LAMA4: variants seen among roughly 807,000 people sequenced by gnomAD.
LAMA4 encodes laminin subunit alpha-4.
In LAMA4, 127 loss-of-function variants were observed where a neutral mutation model predicts 207.1. The ratio of observed to expected loss-of-function variants is 0.61; its 90% confidence interval spans 0.53 to 0.71. The LOEUF (loss-of-function observed/expected upper bound fraction) is 0.71. Ranked by LOEUF, LAMA4 falls within the 30% of genes least tolerant of loss-of-function variation. The pLI is 0.00. For synonymous variants in LAMA4, 761 were observed against 816.0 expected (o/e 0.93, Z 1.15); for missense variants, 2,093 against 2,246.5 (o/e 0.93, Z 1.38).
At position 112,118,771 on chromosome 6, in the gene LAMA4, A is replaced by AT. The variant is rs1364566069; in HGVS notation, c.4821+384dup. Among the ~76,000 whole-genome samples the AT allele has an allele frequency of 1.3e-5, 2 of 151,768 alleles. No individual in the cohort carries two copies. The highest frequency in any genetic ancestry group is 4.8e-5 in the African/African-American group (2 of 41,286). On this transcript the variant is annotated intron_variant, in intron 34 of 38. Coordinates refer to ENST00000230538, the MANE Select transcript of LAMA4 (RefSeq NM_001105206.3). The surrounding 1 kb of genome is among the most constrained non-coding windows in gnomAD (Gnocchi z 4.6). ...TAAGAAAAATGGGATTGTAGTTTGC[A>AT]TAATGACCTGAAACTTTTTTTTTCA...
At chr6:112,120,219 C>G in intron 33 of LAMA4, 64 bp downstream of exon 33, 1 of 1,278,004 alleles carries the variant, frequency 7.8e-7, no homozygotes, top group Non-Finnish European at 1.1e-6. Context: ...AATGGAGGCC[C>G]ATTAGTGTCC....
Position 112,129,055 on chromosome 6 carries a change from ACCTCCACATC to A in LAMA4, c.4144_4153del (p.Asp1382LeufsTer60). 1.2e-6 allele frequency: 2 copies of A among 1,612,534 alleles called. No homozygotes were observed. Among genetic ancestry groups the A allele is most frequent in the Non-Finnish European group, 1.7e-6 (2 of 1,178,714 alleles). ...TTCAGTATACCGTTGGAAATCTTCA[ACCTCCACATC>A]TCTATCCACCCTGTGTTTGTAACAG... On this transcript the variant is annotated frameshift_variant, in exon 31 of 39. Coordinates refer to ENST00000230538, the MANE Select transcript of LAMA4 (RefSeq NM_001105206.3). LOFTEE classifies it high-confidence loss of function.
At chr6:112,246,757 T>G (rs1786972331) in intron 2 of LAMA4, among the ~76,000 whole-genome samples, 1 of 152,172 alleles carries the variant, frequency 6.6e-6, no homozygotes, top group South Asian at 2.1e-4. Context: ...CCTGACTTTG[T>G]GATCCACCCA....
chr6:112,253,716 C>T (rs782629900), intron 2 of LAMA4: 231 of 1,598,720 alleles, frequency 1.4e-4, no homozygotes, highest in Non-Finnish European at 1.9e-4. Flanking sequence ...AGCACCAACA[C>T]ATGCACTCTC....
chr6:112,163,756 AT>A (rs1583767404), intron 13 of LAMA4, among the ~76,000 whole-genome samples: 1 of 152,164 alleles, frequency 6.6e-6, no homozygotes, highest in Admixed American at 6.5e-5. Context: ...TTTATAAAAG[AT>A]TTTTTTACAG....
intron 8 of LAMA4, 136 bp downstream of exon 8, chr6:112,187,314 A>G (rs782704985): frequency 2.0e-6 from 2 of 975,996 alleles, no homozygotes; most frequent in South Asian, 1.4e-5. Context: ...TATGTTTTCT[A>G]TGTTAGACCT....
At chr6:112,111,444 T>G (rs1777690751) in intron 38 of LAMA4, among the ~76,000 whole-genome samples, 1 of 152,222 alleles carries the variant, frequency 6.6e-6, no homozygotes, top group Middle Eastern at 3.2e-3. Context: ...CGTTAGCTTT[T>G]TATGGATAGA....
At chr6:112,138,974 T>C in intron 24 of LAMA4, 146 bp downstream of exon 24, 1 of 794,472 alleles carries the variant, frequency 1.3e-6, no homozygotes. Context: ...ATTACTTTCC[T>C]GAAGAAGAAA....
intron 28 of LAMA4, among the ~76,000 whole-genome samples, chr6:112,132,306 TA>T (rs1206457342): frequency 3.3e-5 from 5 of 152,144 alleles, no homozygotes; most frequent in Non-Finnish European, 5.9e-5. Flanking sequence ...CTAATAACAT[TA>T]GAAGTAGCAA....
intron 8 of LAMA4, among the ~76,000 whole-genome samples, chr6:112,186,180 C>G (rs1395017376): frequency 6.6e-6 from 1 of 152,212 alleles, no homozygotes; most frequent in African/African-American, 2.4e-5. Flanking sequence ...AGGTACTGTT[C>G]TAACTTCTGT....
rs369776441 is a variant in LAMA4, at chr6:112,154,853, G to C, written c.2054C>G (p.Ser685Cys). The change falls in exon 16 of 39, where the codon TCT (serine) becomes TGT (cysteine). Residue 685 changes from serine to cysteine, a missense_variant and splice_region_variant. This residue lies in a region of LAMA4 where 1,704 missense variants were observed against 1,788.4 expected (regional missense o/e 0.95). Transcript: ENST00000230538. ...GATAGGAAAGTGAAGATATTTACTA[G>C]ACTCTGCCTTTGCTTGCAGTTCTCT... ...QARELQAKAE[S>C]SSDEAVADTS... 1.3e-6 allele frequency: 2 copies of C among 1,586,546 alleles called. No individual in the cohort carries two copies. Among genetic ancestry groups the C allele is most frequent in the Non-Finnish European group, 1.7e-6 (2 of 1,155,124 alleles).
chr6:112,151,302 A>G (rs1206100029), intron 16 of LAMA4, among the ~76,000 whole-genome samples: 1 of 152,106 alleles, frequency 6.6e-6, no homozygotes, highest in Non-Finnish European at 1.5e-5. Flanking sequence ...TACTATATAG[A>G]GCTATAATAC....
rs1171944656 is a variant in LAMA4, at chr6:112,117,350, G to C, written c.4981+389C>G. 6.6e-6 allele frequency among the ~76,000 whole-genome samples: 1 copy of C among 152,166 alleles called. No individual in the cohort carries two copies. Among genetic ancestry groups the C allele is most frequent in the Admixed American group, 6.5e-5 (1 of 15,280 alleles). On this transcript the variant is annotated intron_variant, in intron 35 of 38. Transcript: ENST00000230538. The surrounding 1 kb of genome is among the most constrained non-coding windows in gnomAD (Gnocchi z 4.5). ...AAGGATAACGTTGTCTGCTGGTGTT[G>C]CAAGTCATGGGGAGAAAGTGGGACT...
At chr6:112,188,805 C>A in intron 7 of LAMA4, 1 of 322,588 alleles carries the variant, frequency 3.1e-6, no homozygotes, top group South Asian at 4.1e-5. Flanking sequence ...GGAAAAGGAG[C>A]TGAAAAGAGC....
intron 8 of LAMA4, among the ~76,000 whole-genome samples, chr6:112,185,757 C>T (rs1782648023): frequency 6.6e-6 from 1 of 152,214 alleles, no homozygotes; most frequent in Admixed American, 6.5e-5. Context: ...TAACTTTCCT[C>T]ATTTTAATGC....
intron 15 of LAMA4, 116 bp downstream of exon 15, chr6:112,155,449 C>T (rs1047079459): frequency 3.4e-6 from 4 of 1,175,984 alleles, no homozygotes; most frequent in East Asian, 2.4e-5. Flanking sequence ...AGTTCCCCTG[C>T]CTTTTCCACT....
rs782303510 is a variant in LAMA4 at position 112,139,237 on chromosome 6, G to A, written c.3165C>T (p.Ser1055=). 126 of 1,614,026 alleles carry A rather than the reference G, an allele frequency of 7.8e-5. No individual in the cohort carries two copies. Among genetic ancestry groups the A allele is most frequent in the Non-Finnish European group, 1.0e-4 (118 of 1,180,014 alleles). The stretch of plus-strand genomic sequence containing the variant: ...TGATGTCTCTCACCACGGCATAACC[G>A]GAGCCATCGAAGAAGTAACTGGCAG... ...SRAASYFFDG[S]GYAVVRDITR... The change falls in exon 24 of 39, where the codon TCC becomes TCT. Residue 1055 remains serine, a synonymous_variant. Transcript: ENST00000230538.
intron 8 of LAMA4, among the ~76,000 whole-genome samples, chr6:112,187,093 C>T (rs2114938670): frequency 6.6e-6 from 1 of 152,330 alleles, no homozygotes; most frequent in Non-Finnish European, 1.5e-5. Flanking sequence ...AAATGGTAGC[C>T]TTGCAGTACC....
intron 5 of LAMA4, among the ~76,000 whole-genome samples, chr6:112,195,976 T>C (rs893086576): frequency 2.2e-5 from 2 of 92,152 alleles, no homozygotes; most frequent in Non-Finnish European, 4.1e-5. Context: ...CTACACACAC[T>C]GCTATATATA....
Sources: allele counts gnomAD v4.1 joint callset (sites outside exome capture counted in the v4.1 genomes callset), GRCh38; gene constraint gnomAD v4.1.1; regional missense constraint gnomAD v4.1.1; non-coding constraint Gnocchi (gnomAD v3.1); transcripts MANE v1.5; gene names NCBI Gene and HGNC (gene_info 2026-07-23, HGNC 2026-07-21).